The following PAPPA variants were observed in gnomAD, a reference collection of about 807,000 sequenced individuals.
PAPPA encodes the protein pappalysin-1.
A neutral mutation model predicts 164.0 loss-of-function variants in PAPPA; 60 were observed. That is an observed-to-expected ratio of 0.37 (90% confidence interval 0.30 to 0.45). The LOEUF is 0.45. Among genes scored for constraint, PAPPA ranks in the 20% least tolerant of loss-of-function variants. The probability of loss-of-function intolerance (pLI) is 1.00; values close to 1 mark genes in which losing one functional copy is unlikely to be tolerated. For synonymous variants in PAPPA, 875 were observed against 814.1 expected (o/e 1.07, Z -1.27); for missense variants, 1,782 against 2,087.3 (o/e 0.85, Z 2.85).
intron 4 of PAPPA, among the ~76,000 whole-genome samples, chr9:116,215,867 T>G (rs965581140): frequency 2.0e-5 from 3 of 152,208 alleles, no homozygotes; most frequent in African/African-American, 7.2e-5. Context: ...GAAAGCCATA[T>G]ATATAGTGTA....
Position 116,154,664 on chromosome 9 carries a change from C to A in PAPPA, c.415+77C>A, listed in dbSNP as rs1843579622. The A allele has an allele frequency of 4.0e-6, 5 of 1,247,666 alleles. No individual in the cohort carries two copies. Among genetic ancestry groups the A allele is most frequent in the South Asian group, 3.0e-5 (1 of 33,004 alleles). The allele number at this position is 1,247,666 out of a possible 1,614,324, so 77.3% of individuals were successfully genotyped here. The stretch of plus-strand genomic sequence containing the variant: ...CTCGCGGGTGTCTGGGCGCGGGTGG[C>A]GGGCGGGTCGGGGGCTTGCGGGCGT... On this transcript the variant is annotated intron_variant, in intron 1 of 21. Transcript: ENST00000328252. This position sits in a 1 kb window ranked among gnomAD's most constrained non-coding sequence, Gnocchi z 5.2.
At chr9:116,195,796 C>A (rs1844097133) in intron 2 of PAPPA, among the ~76,000 whole-genome samples, 1 of 152,202 alleles carries the variant, frequency 6.6e-6, no homozygotes, top group African/African-American at 2.4e-5. Context: ...ACTACAATCT[C>A]AGTGCGGGAG....
At chr9:116,223,717 A>G (rs1216212045) in intron 5 of PAPPA, among the ~76,000 whole-genome samples, 1 of 152,138 alleles carries the variant, frequency 6.6e-6, no homozygotes, top group Non-Finnish European at 1.5e-5. Context: ...AACGTATATC[A>G]CTCTCCCATA....
At chr9:116,350,857 T>G (rs1487908210) in intron 15 of PAPPA, among the ~76,000 whole-genome samples, 1 of 152,254 alleles carries the variant, frequency 6.6e-6, no homozygotes, top group African/African-American at 2.4e-5. Flanking sequence ...CTGCACACTT[T>G]ACTCTTTTTA....
intron 8 of PAPPA, among the ~76,000 whole-genome samples, chr9:116,267,497 A>G (rs544911139): frequency 6.6e-6 from 1 of 152,372 alleles, no homozygotes; most frequent in South Asian, 2.1e-4. Context: ...TAGCATGTAC[A>G]AGATTCTGTT....
chr9:116,337,128 G>A (rs1218286759), intron 13 of PAPPA, among the ~76,000 whole-genome samples: 1 of 152,142 alleles, frequency 6.6e-6, no homozygotes, highest in Admixed American at 6.5e-5. Flanking sequence ...AGCAAGGCAC[G>A]AGTAGCAGAG....
At chr9:116,336,360 C>T (rs1243371189) in intron 13 of PAPPA, among the ~76,000 whole-genome samples, 1 of 152,178 alleles carries the variant, frequency 6.6e-6, no homozygotes, top group Non-Finnish European at 1.5e-5. Flanking sequence ...TTCTGTTGTG[C>T]AAAGTCTGTC....
intron 9 of PAPPA, among the ~76,000 whole-genome samples, chr9:116,275,858 G>C (rs1481617062): frequency 6.6e-6 from 1 of 152,132 alleles, no homozygotes; most frequent in African/African-American, 2.4e-5. Context: ...CACACATCCG[G>C]AAGTATTCCC....
chr9:116,173,272 A>G (rs191179805), intron 1 of PAPPA, among the ~76,000 whole-genome samples: 1 of 152,316 alleles, frequency 6.6e-6, no homozygotes, highest in African/African-American at 2.4e-5. Flanking sequence ...AACAATAGAA[A>G]TTTAGTAGTG....
intron 2 of PAPPA, among the ~76,000 whole-genome samples, chr9:116,189,171 G>C (rs1265692445): frequency 6.6e-6 from 1 of 152,134 alleles, no homozygotes; most frequent in Non-Finnish European, 1.5e-5. Flanking sequence ...AATACATTTG[G>C]TGTAATAGAA....
At chr9:116,358,488 C>T (rs1483293734) in intron 17 of PAPPA, among the ~76,000 whole-genome samples, 2 of 152,180 alleles carry the variant, frequency 1.3e-5, no homozygotes, top group Admixed American at 6.5e-5. Context: ...ATTATTGCCC[C>T]ATTTTACAGA....
intron 7 of PAPPA, among the ~76,000 whole-genome samples, chr9:116,257,360 T>C (rs1264994106): frequency 6.6e-6 from 1 of 151,988 alleles, no homozygotes; most frequent in African/African-American, 2.4e-5. Context: ...ATCTTCAGAA[T>C]GCCCAGTTTT....
At position 116,187,620 on chromosome 9, in the gene PAPPA, G is replaced by C. The variant is rs746796397; in HGVS notation, c.882G>C (p.Lys294Asn). The C allele has an allele frequency of 1.2e-6, 2 of 1,614,242 alleles. No individual in the cohort carries two copies. The highest frequency in any genetic ancestry group is 1.7e-6 in the Non-Finnish European group (2 of 1,180,032). ...TCCAGGAGAACTGGGACAATGTGAA[G>C]CATGCCTGGTCCCCCATGAAGGATG... ...LLLQENWDNV[K>N]HAWSPMKDGS... Residue 294 changes from lysine (K) to asparagine (N), a missense_variant, in exon 2 of 22, where the codon AAG (lysine) becomes AAC (asparagine). By Grantham distance (94) the Lys-to-Asn change is moderately conservative. This residue lies in a region of PAPPA where 458 missense variants were observed against 430.3 expected (regional missense o/e 1.06). Transcript: ENST00000328252. This position sits in a 1 kb window ranked among gnomAD's most constrained non-coding sequence, Gnocchi z 4.2.
chr9:116,206,265 C>G (rs405485), intron 2 of PAPPA, among the ~76,000 whole-genome samples: 83,238 of 152,032 alleles, frequency 0.55, 24,798 homozygotes, highest in East Asian at 0.77. Flanking sequence ...TTTGTGAAAA[C>G]ATGTACAAAT....
intron 18 of PAPPA, among the ~76,000 whole-genome samples, chr9:116,366,584 C>T (rs927357282): frequency 2.6e-5 from 4 of 152,338 alleles, no homozygotes; most frequent in Middle Eastern, 6.8e-3. Context: ...CATTGATGTA[C>T]TTATTCACTC....
intron 2 of PAPPA, among the ~76,000 whole-genome samples, chr9:116,195,593 G>T (rs565826968): frequency 6.6e-6 from 1 of 152,314 alleles, no homozygotes; most frequent in African/African-American, 2.4e-5. Context: ...CTAGTGCATT[G>T]GGTGGTTTAG....
chr9:116,387,024 C>T (rs770288068), intron 21 of PAPPA, among the ~76,000 whole-genome samples: 4 of 152,112 alleles, frequency 2.6e-5, no homozygotes, highest in Non-Finnish European at 5.9e-5. Context: ...GTCCCCTCAG[C>T]CCCAGTCCCA....
At position 116,227,640 on chromosome 9, in the gene PAPPA, G is replaced by T. The variant is rs1046820609; in HGVS notation, c.2233+88G>T. 6 of 1,392,864 alleles carry T rather than the reference G, an allele frequency of 4.3e-6. No homozygotes were observed. In the African/African-American group the frequency reaches 7.2e-5, roughly 17 times the overall value. The allele number at this position is 1,392,864 out of a possible 1,614,324, so 86.3% of individuals were successfully genotyped here. On this transcript the variant is annotated intron_variant, in intron 6 of 21. Transcript: ENST00000328252. ...TATATGGGGTTTTATTATTTTTATG[G>T]GTCTTTGCCATGTATCATTTCATTT...
chr9:116,205,380 G>A (rs887548776), intron 2 of PAPPA, among the ~76,000 whole-genome samples: 3 of 152,190 alleles, frequency 2.0e-5, no homozygotes, highest in African/African-American at 7.2e-5. Flanking sequence ...GAGCTATGGG[G>A]CAGAGGTGGC....
Sources: allele counts gnomAD v4.1 joint callset (sites outside exome capture counted in the v4.1 genomes callset), GRCh38; gene constraint gnomAD v4.1.1; regional missense constraint gnomAD v4.1.1; non-coding constraint Gnocchi (gnomAD v3.1); transcripts MANE v1.5; gene names NCBI Gene and HGNC (gene_info 2026-07-23, HGNC 2026-07-21).